The following RAD52 variants were observed in gnomAD, a reference collection of about 807,000 sequenced individuals.
RAD52 encodes the protein RAD52 DNA repair protein.
RAD52 carries 47 observed loss-of-function variants against 55.5 expected under a neutral mutation model. The ratio of observed to expected loss-of-function variants is 0.85; its 90% CI spans 0.67 to 1.08. The LOEUF is 1.08. Among genes scored for constraint, RAD52 ranks in the 50% least tolerant of loss-of-function variants. The pLI is 0.00. For missense variants in RAD52, 468 were observed against 522.8 expected (o/e 0.90, Z 1.02); for synonymous variants, 184 against 198.9 (o/e 0.92, Z 0.63).
At chr12:941,564 C>T (rs536311581) in intron 1 of RAD52, among the ~76,000 whole-genome samples, 32 of 152,066 alleles carry the variant, frequency 2.1e-4, no homozygotes, top group Non-Finnish European at 3.7e-4. Flanking sequence ...GTGATCCACC[C>T]GGCTCAGCCT....
intron 1 of RAD52, among the ~76,000 whole-genome samples, chr12:936,485 T>A (rs371798962): frequency 8.6e-4 from 116 of 134,282 alleles, no homozygotes; most frequent in Non-Finnish European, 9.7e-4. Flanking sequence ...ATTATAAAAG[T>A]AAAAAAAAAA....
intron 1 of RAD52, among the ~76,000 whole-genome samples, chr12:979,533 T>G (rs1958981991): frequency 3.9e-5 from 6 of 152,094 alleles, no homozygotes; most frequent in Admixed American, 2.6e-4. Context: ...CCAGACCACA[T>G]GTGCCGTCTC....
chr12:933,175 G>A, intron 1 of RAD52, 99 bp from the exon 2 acceptor site: 1 of 840,366 alleles, frequency 1.2e-6, no homozygotes. Flanking sequence ...GAATCCTTAT[G>A]CGGCCAGGCA....
chr12:942,453 C>T (rs1366107104), intron 1 of RAD52, among the ~76,000 whole-genome samples: 1 of 152,044 alleles, frequency 6.6e-6, no homozygotes, highest in Non-Finnish European at 1.5e-5. Context: ...AAAACTAAAA[C>T]TATAAAATTT....
intron 9 of RAD52, chr12:916,073 C>T: frequency 1.1e-6 from 1 of 934,320 alleles, no homozygotes; most frequent in South Asian, 2.6e-5. Context: ...AGTTCTTTAC[C>T]CTGAAATTTC....
intron 1 of RAD52, among the ~76,000 whole-genome samples, chr12:957,735 A>G (rs1243237018): frequency 6.6e-6 from 1 of 152,228 alleles, no homozygotes; most frequent in Non-Finnish European, 1.5e-5. Flanking sequence ...GGTTGCAGTG[A>G]GTGGAGATCG....
chr12:987,984 T>G (rs1300461074), intron 1 of RAD52, among the ~76,000 whole-genome samples: 2 of 152,184 alleles, frequency 1.3e-5, no homozygotes, highest in Non-Finnish European at 2.9e-5. Flanking sequence ...TTTCTTTTCT[T>G]TTTTGAAGTA....
intron 1 of RAD52, among the ~76,000 whole-genome samples, chr12:942,694 C>T (rs555909598): frequency 6.0e-5 from 9 of 150,992 alleles, no homozygotes; most frequent in South Asian, 2.1e-4. Context: ...TTGCAGTGAG[C>T]GGAGATCGCC....
intron 1 of RAD52, among the ~76,000 whole-genome samples, chr12:988,243 T>A (rs994740471): frequency 3.3e-5 from 5 of 152,264 alleles, no homozygotes; most frequent in Non-Finnish European, 7.3e-5. Context: ...TTTAATTGAA[T>A]TTATAATTTG....
chr12:986,320 T>C (rs1959085307), intron 1 of RAD52, among the ~76,000 whole-genome samples: 1 of 152,026 alleles, frequency 6.6e-6, no homozygotes, highest in African/African-American at 2.4e-5. Context: ...TGCCTCAGTT[T>C]CCCAAAGTGC....
intron 1 of RAD52, among the ~76,000 whole-genome samples, chr12:988,846 C>T (rs548524746): frequency 6.6e-6 from 1 of 152,254 alleles, no homozygotes; most frequent in South Asian, 2.1e-4. Flanking sequence ...GACCCAAACA[C>T]CTCCCATCAG....
At chr12:937,951 T>C (rs1384200265) in intron 1 of RAD52, among the ~76,000 whole-genome samples, 3 of 152,120 alleles carry the variant, frequency 2.0e-5, no homozygotes, top group East Asian at 1.9e-4. Flanking sequence ...CTGTGGAACA[T>C]CACCAAGCCA....
At chr12:973,454 G>T (rs1366181827) in intron 1 of RAD52, among the ~76,000 whole-genome samples, 1 of 151,530 alleles carries the variant, frequency 6.6e-6, no homozygotes, top group Non-Finnish European at 1.5e-5. Context: ...GTTGAATTCT[G>T]GACATAATCT....
chr12:982,590 C>T (rs1216636177), intron 1 of RAD52, among the ~76,000 whole-genome samples: 2 of 150,884 alleles, frequency 1.3e-5, no homozygotes, highest in Non-Finnish European at 2.9e-5. Flanking sequence ...TAATTTCCGT[C>T]TGAGACCTCC....
rs1339285918 is a variant in RAD52, at chr12:929,858, G to C, written c.309C>G (p.Phe103Leu). 1 of 1,614,036 alleles carries C rather than the reference G, an allele frequency of 6.2e-7. No homozygotes were observed. The highest frequency in any genetic ancestry group is 2.2e-5 in the East Asian group (1 of 44,880). Residue 103 changes from phenylalanine (F) to leucine (L), a missense_variant, in exon 5 of 12, where the codon TTC becomes TTG. Transcript: ENST00000358495. ...VDFVDLNNGK[F>L]YVGVCAFVRV... The stretch of plus-strand genomic sequence containing the variant: ...TCACAAATGCACAGACTCCCACGTA[G>C]AACTTGCCATTGTTGAGGTCAACAA...
At chr12:983,631 G>A (rs1406476318) in intron 1 of RAD52, among the ~76,000 whole-genome samples, 1 of 152,120 alleles carries the variant, frequency 6.6e-6, no homozygotes, top group Non-Finnish European at 1.5e-5. Context: ...TGTTGGCCAG[G>A]CTGGTCTCCA....
intron 1 of RAD52, among the ~76,000 whole-genome samples, chr12:962,730 C>T (rs1958704975): frequency 6.7e-6 from 1 of 148,468 alleles, no homozygotes; most frequent in African/African-American, 2.5e-5. Flanking sequence ...ATTTATTTTC[C>T]TGAGGCAGGG....
intron 1 of RAD52, among the ~76,000 whole-genome samples, chr12:949,189 G>C (rs1227337735): frequency 6.6e-6 from 1 of 152,118 alleles, no homozygotes; most frequent in African/African-American, 2.4e-5. Context: ...CATGCCCGGC[G>C]TCAAATTCCT....
At chr12:933,182 G>C (rs1296251009) in intron 1 of RAD52, 106 bp from the exon 2 acceptor site, 13 of 753,796 alleles carry the variant, frequency 1.7e-5, no homozygotes, top group Middle Eastern at 3.8e-4. Context: ...TATGCGGCCA[G>C]GCACAGTGGC....
Sources: gnomAD v4.1 joint callset for allele counts (sites outside exome capture counted in the v4.1 genomes callset) on GRCh38, gnomAD v4.1.1 for gene constraint, MANE v1.5 for transcripts, NCBI Gene and HGNC (gene_info 2026-07-23, HGNC 2026-07-21) for gene names.